The following ALMS1 variants were observed in gnomAD, a reference collection of about 807,000 sequenced individuals.
ALMS1 encodes the protein ALMS1 centrosome and basal body associated protein.
ALMS1 carries 271 observed loss-of-function variants against 352.2 expected under a neutral mutation model. That is an observed-to-expected ratio of 0.77 (90% CI 0.70 to 0.85). The LOEUF is 0.85. Among genes scored for constraint, ALMS1 ranks in the 40% least tolerant of loss-of-function variants. ALMS1 has a pLI of 0.00. For missense variants in ALMS1, 5,445 were observed against 4,870.7 expected, an observed-to-expected ratio of 1.12 and a Z score of -3.51; for synonymous variants, 1,865 against 1,761.2, an observed-to-expected ratio of 1.06 and a Z score of -1.48.
intron 2 of ALMS1, among the ~76,000 whole-genome samples, chr2:73,414,429 C>T (rs4852927): frequency 0.57 from 82,433 of 144,050 alleles, 24,728 homozygotes; most frequent in East Asian, 0.78. Context: ...ATTAACTATG[C>T]TTTGTTTTTT....
intron 15 of ALMS1, among the ~76,000 whole-genome samples, chr2:73,563,463 C>T (rs1331715871): frequency 1.3e-5 from 2 of 152,024 alleles, no homozygotes; most frequent in African/African-American, 4.8e-5. Context: ...TGGCTCACGC[C>T]TGTAATTCCA....
intron 1 of ALMS1, among the ~76,000 whole-genome samples, chr2:73,387,636 A>C (rs1028402618): frequency 6.6e-6 from 1 of 152,100 alleles, no homozygotes; most frequent in Non-Finnish European, 1.5e-5. Flanking sequence ...TATGCCAAGG[A>C]TTTAGGGGCT....
At chr2:73,471,224 CTTTT>C (rs60728783) in intron 9 of ALMS1, among the ~76,000 whole-genome samples, 1 of 141,974 alleles carries the variant, frequency 7.0e-6, no homozygotes, top group African/African-American at 2.6e-5. Context: ...TTGATCCTTC[CTTTT>C]TTTTTTTTCT....
chr2:73,511,766 G>A (rs1389857676), intron 10 of ALMS1, among the ~76,000 whole-genome samples: 1 of 152,126 alleles, frequency 6.6e-6, no homozygotes, highest in Non-Finnish European at 1.5e-5. Flanking sequence ...GACTAGGAAA[G>A]AAATGCTACT....
In ALMS1 at chr2:73,448,697, A is replaced by AT. The variant is rs771459937; in HGVS notation, c.2176dup (p.Tyr726LeufsTer12). The AT allele has an allele frequency of 4.4e-6, 7 of 1,604,414 alleles. No homozygotes were observed. The highest frequency in any genetic ancestry group is 4.5e-5 in the East Asian group (2 of 44,466). ...CCACTCACATAGAGAGAAGCCTGGT[A>AT]TTTTTTACCAACAAGAGTTCGCAGA... On this transcript the variant is annotated frameshift_variant, in exon 8 of 23. Transcript: ENST00000613296. LOFTEE classifies it high-confidence loss of function.
chr2:73,395,064 A>ATG (rs1670730735), intron 1 of ALMS1, among the ~76,000 whole-genome samples: 1 of 103,838 alleles, frequency 9.6e-6, no homozygotes, highest in South Asian at 2.7e-4. Flanking sequence ...ATATGTGTAT[A>ATG]TATATATATA....
At chr2:73,454,413 G>T (rs950339467) in intron 8 of ALMS1, 1 of 965,500 alleles carries the variant, frequency 1.0e-6, no homozygotes. Context: ...AAGCTATCAC[G>T]TTTCTCTAAT....
At chr2:73,476,325 A>G (rs1672582433) in intron 9 of ALMS1, among the ~76,000 whole-genome samples, 1 of 152,060 alleles carries the variant, frequency 6.6e-6, no homozygotes, top group Admixed American at 6.6e-5. Context: ...TGCTTCTGCC[A>G]TTTGGCTATT....
intron 16 of ALMS1, among the ~76,000 whole-genome samples, chr2:73,590,537 T>C (rs1272685011): frequency 6.6e-6 from 1 of 152,190 alleles, no homozygotes; most frequent in Non-Finnish European, 1.5e-5. Context: ...GTTTCAGATT[T>C]GCCATTTACA....
intron 9 of ALMS1, among the ~76,000 whole-genome samples, chr2:73,455,692 G>A (rs2103798880): frequency 6.6e-6 from 1 of 152,350 alleles, no homozygotes; most frequent in Non-Finnish European, 1.5e-5. Flanking sequence ...ATGAGCCACT[G>A]TGCCTAGGCA....
chr2:73,557,982 C>T (rs1391797470), intron 14 of ALMS1, among the ~76,000 whole-genome samples: 1 of 152,146 alleles, frequency 6.6e-6, no homozygotes, highest in Non-Finnish European at 1.5e-5. Context: ...CATTTTTGGC[C>T]TTCATTCTTA....
At position 73,408,760 on chromosome 2, in the gene ALMS1, T is replaced by C; in HGVS notation, c.450+13T>C. 6.2e-7 allele frequency: 1 copy of C among 1,609,388 alleles called. No homozygotes were observed. Among genetic ancestry groups the C allele is most frequent in the Non-Finnish European group, 8.5e-7 (1 of 1,177,944 alleles). ...TGGGGATGATCAGGTATGTCTTCTG[T>C]AACTGGCTAACTTTTTTTTTTTGAT... is the stretch of plus-strand genomic sequence containing the variant. On this transcript the variant is annotated intron_variant, in intron 2 of 22. Coordinates refer to ENST00000613296, the MANE Select transcript of ALMS1 (RefSeq NM_001378454.1).
chr2:73,522,078 T>C (rs1268122549), intron 11 of ALMS1, among the ~76,000 whole-genome samples: 1 of 152,206 alleles, frequency 6.6e-6, no homozygotes, highest in Non-Finnish European at 1.5e-5. Flanking sequence ...TTATTTGCTA[T>C]GTATTCACTT....
intron 10 of ALMS1, among the ~76,000 whole-genome samples, chr2:73,501,365 T>C (rs1673215373): frequency 6.6e-6 from 1 of 152,086 alleles, no homozygotes; most frequent in Admixed American, 6.6e-5. Flanking sequence ...CTTTTTTGTG[T>C]CCTGATTAAG....
At chr2:73,493,580 G>A (rs1673037065) in intron 10 of ALMS1, among the ~76,000 whole-genome samples, 1 of 151,800 alleles carries the variant, frequency 6.6e-6, no homozygotes, top group South Asian at 2.1e-4. Context: ...AAATTAGCTG[G>A]GCATGGTGGC....
rs186849322 is a variant in ALMS1 at position 73,452,509 on chromosome 2, G to A, written c.5982G>A (p.Glu1994=). The A allele has an allele frequency of 1.6e-5, 26 of 1,614,054 alleles. No individual in the cohort carries two copies. In the Admixed American group the frequency reaches 3.5e-4, roughly 22 times the overall value. ...LSSSYSHSHK[E]KLKISTVHIP... ...GTTCCTACTCACATTCACATAAAGA[G>A]AAACTCAAGATTTCAACTGTGCATA... Residue 1994 remains glutamate (E), a synonymous_variant, in exon 8 of 23, where the codon GAG becomes GAA. Coordinates refer to ENST00000613296, the MANE Select transcript of ALMS1 (RefSeq NM_001378454.1).
intron 1 of ALMS1, among the ~76,000 whole-genome samples, chr2:73,405,721 G>C (rs1448005632): frequency 4.0e-5 from 6 of 150,812 alleles, no homozygotes; most frequent in Non-Finnish European, 8.9e-5. Context: ...TACCTTCTTA[G>C]TCCTACTTTT....
rs1445828188 is a variant in ALMS1 at position 73,449,094 on chromosome 2, C to T, written c.2567C>T (p.Thr856Ile). The change falls in exon 8 of 23, where the codon ACT becomes ATT. Residue 856 changes from threonine to isoleucine, a missense_variant. Coordinates refer to ENST00000613296, the MANE Select transcript of ALMS1 (RefSeq NM_001378454.1). ...GKTGTPAVTS[T>I]SSASSSLGEK... is the part of the protein sequence containing the mutation. ...ACTGGGACACCAGCTGTAACCTCTA[C>T]TTCCTCTGCGTCCTCTTCACTTGGA... 1 of 1,613,810 alleles carries T rather than the reference C, an allele frequency of 6.2e-7. No homozygotes were observed. Among genetic ancestry groups the T allele is most frequent in the East Asian group, 2.2e-5 (1 of 44,870 alleles).
Position 73,557,225 on chromosome 2 carries a change from T to G in ALMS1, c.10084T>G (p.Ser3362Ala). 6.2e-7 allele frequency: 1 copy of G among 1,614,102 alleles called. No homozygotes were observed. Among genetic ancestry groups the G allele is most frequent in the Non-Finnish European group, 8.5e-7 (1 of 1,179,986 alleles). Reference sequence around the variant, plus strand: ...AAATGATGTCGTTATTCCAGATGCCTCAGTTCAAGTGCTAATCACTGGGGA... The same window carrying G: ...AAATGATGTCGTTATTCCAGATGCCGCAGTTCAAGTGCTAATCACTGGGGA... ...KPLQNENADASVQVLITGDEN... is the reference protein window; with the variant it reads ...KPLQNENADAAVQVLITGDEN... Residue 3362 changes from serine (S) to alanine (A), a missense_variant, in exon 14 of 23, where the codon TCA (serine) becomes GCA (alanine). Coordinates refer to ENST00000613296, the MANE Select transcript of ALMS1 (RefSeq NM_001378454.1).
Sources: gnomAD v4.1 joint callset for allele counts (sites outside exome capture counted in the v4.1 genomes callset) on GRCh38, gnomAD v4.1.1 for gene constraint, MANE v1.5 for transcripts, NCBI Gene and HGNC (gene_info 2026-07-23, HGNC 2026-07-21) for gene names.